KALRN: variants seen among roughly 807,000 people sequenced by gnomAD.
The protein encoded by KALRN is kalirin.
A neutral mutation model predicts 353.7 loss-of-function variants in KALRN; 70 were observed. The ratio of observed to expected loss-of-function variants is 0.20; its 90% confidence interval spans 0.16 to 0.24. KALRN has a LOEUF of 0.24. Ranked by LOEUF, KALRN falls within the 10% of genes least tolerant of loss-of-function variation. KALRN has a pLI of 1.00. For missense variants in KALRN, 2,791 were observed against 3,756.7 expected (o/e 0.74, Z 6.72); for synonymous variants, 1,391 against 1,434.8 (o/e 0.97, Z 0.69).
intron 43 of KALRN, 83 bp from the exon 44 acceptor site, chr3:124,660,840 G>C: frequency 1.0e-6 from 1 of 955,612 alleles, no homozygotes; most frequent in African/African-American, 1.6e-5. Flanking sequence ...GGGTGTTATT[G>C]TATTTTTATG....
chr3:124,206,077 T>TA (rs1379044796), intron 1 of KALRN, among the ~76,000 whole-genome samples: 3 of 152,224 alleles, frequency 2.0e-5, no homozygotes, highest in Non-Finnish European at 2.9e-5. Context: ...CTGATATTAA[T>TA]AAGAGAGTGT....
chr3:124,686,667 C>T (rs2061571378), intron 51 of KALRN, among the ~76,000 whole-genome samples: 1 of 151,992 alleles, frequency 6.6e-6, no homozygotes. Context: ...ACAACAAAGG[C>T]ATGGAAGGAC....
chr3:124,122,457 T>C (rs77024573), intron 1 of KALRN, among the ~76,000 whole-genome samples: 395 of 152,358 alleles, frequency 2.6e-3, no homozygotes, highest in African/African-American at 8.8e-3. Flanking sequence ...TTGCATGTTT[T>C]GCAAATTGAA....
At chr3:124,404,105 G>GAACCAAA (rs2091217724) in intron 13 of KALRN, among the ~76,000 whole-genome samples, 1 of 130,176 alleles carries the variant, frequency 7.7e-6, no homozygotes, top group Non-Finnish European at 1.5e-5. Context: ...CTATTGTGTT[G>GAACCAAA]AACCAAAATC....
At chr3:124,440,441 G>T (rs1311027719) in intron 18 of KALRN, among the ~76,000 whole-genome samples, 1 of 151,980 alleles carries the variant, frequency 6.6e-6, no homozygotes, top group Non-Finnish European at 1.5e-5. Flanking sequence ...ATATTCATTA[G>T]TTGATCCACT....
chr3:124,047,233 A>G (rs2040561718), intron 1 of KALRN, among the ~76,000 whole-genome samples: 1 of 152,158 alleles, frequency 6.6e-6, no homozygotes, highest in African/African-American at 2.4e-5. Flanking sequence ...AATGTCTGCC[A>G]TGTGCCTAGT....
chr3:124,624,559 G>A (rs1341350985), intron 34 of KALRN, among the ~76,000 whole-genome samples: 3 of 152,166 alleles, frequency 2.0e-5, no homozygotes, highest in African/African-American at 7.2e-5. Flanking sequence ...GTTGCCCCAA[G>A]GCTTAGGCTA....
At chr3:124,632,199 C>T (rs2080857910) in intron 34 of KALRN, among the ~76,000 whole-genome samples, 1 of 152,220 alleles carries the variant, frequency 6.6e-6, no homozygotes, top group African/African-American at 2.4e-5. Flanking sequence ...TCTGCCCACT[C>T]CTGTATCCAT....
chr3:124,036,547 A>T (rs2039438466), intron 1 of KALRN, among the ~76,000 whole-genome samples: 1 of 151,616 alleles, frequency 6.6e-6, no homozygotes, highest in African/African-American at 2.4e-5. Context: ...GTTGGTGGAG[A>T]TTCTTAAGCT....
At chr3:124,437,575 A>G (rs2093517463) in intron 17 of KALRN, among the ~76,000 whole-genome samples, 1 of 151,034 alleles carries the variant, frequency 6.6e-6, no homozygotes, top group African/African-American at 2.4e-5. Flanking sequence ...CTGTAATCCC[A>G]GCTACTCAGG....
At chr3:124,226,272 T>C (rs916068662) in intron 1 of KALRN, among the ~76,000 whole-genome samples, 2 of 152,198 alleles carry the variant, frequency 1.3e-5, no homozygotes, top group Non-Finnish European at 2.9e-5. Flanking sequence ...CTAATTAGCC[T>C]CTATTAGTGA....
chr3:124,378,554 C>T (rs976078458), intron 10 of KALRN, among the ~76,000 whole-genome samples: 1 of 152,046 alleles, frequency 6.6e-6, no homozygotes, highest in Non-Finnish European at 1.5e-5. Context: ...TCCTGAAGGA[C>T]TTCTTTTAAC....
intron 6 of KALRN, among the ~76,000 whole-genome samples, chr3:124,323,841 C>T (rs2149388524): frequency 6.6e-6 from 1 of 152,356 alleles, no homozygotes; most frequent in Non-Finnish European, 1.5e-5. Flanking sequence ...CTATCAGACA[C>T]TGTCAATGTC....
chr3:124,547,910 T>C (rs2069924603), intron 33 of KALRN, among the ~76,000 whole-genome samples: 1 of 152,152 alleles, frequency 6.6e-6, no homozygotes, highest in South Asian at 2.1e-4. Flanking sequence ...TTTGCTAAAA[T>C]GGGGGCATAG....
chr3:124,634,013 T>G, intron 36 of KALRN, 60 bp downstream of exon 36: 1 of 1,296,304 alleles, frequency 7.7e-7, no homozygotes, highest in Non-Finnish European at 1.1e-6. Context: ...TTTTGTTTTT[T>G]GTGTGTGATG....
chr3:124,548,038 G>T (rs1295096604), intron 33 of KALRN, among the ~76,000 whole-genome samples: 1 of 152,280 alleles, frequency 6.6e-6, no homozygotes, highest in East Asian at 1.9e-4. Flanking sequence ...ACTGCCACAA[G>T]GAACTCTCAG....
intron 33 of KALRN, among the ~76,000 whole-genome samples, chr3:124,502,533 G>A (rs2064715956): frequency 6.6e-6 from 1 of 152,182 alleles, no homozygotes; most frequent in South Asian, 2.1e-4. Flanking sequence ...TTCAAATCAG[G>A]TATGGATTCA....
rs192313597 is a variant in KALRN, at chr3:124,146,397, A to C, written c.74-81593A>C. On this transcript the variant is annotated intron_variant, in intron 1 of 59. Coordinates refer to ENST00000682506, the MANE Select transcript of KALRN (RefSeq NM_001388419.1). The stretch of plus-strand genomic sequence containing the variant: ...TAAAATTGTACTTTGCTGGTAATTC[A>C]TTTTCATTATAGTTTACTAAAGTAC... Among the ~76,000 whole-genome samples, 1,171 of 152,300 alleles carry C rather than the reference A, an allele frequency of 7.7e-3. 10 individuals carry two copies. The highest frequency in any genetic ancestry group is 9.9e-3 in the Non-Finnish European group (674 of 68,024).
At chr3:124,597,880 A>G (rs1416940876) in intron 34 of KALRN, among the ~76,000 whole-genome samples, 1 of 152,224 alleles carries the variant, frequency 6.6e-6, no homozygotes, top group East Asian at 1.9e-4. Context: ...TAGTGAAATG[A>G]TTCCATTCTA....
Sources: gnomAD v4.1 joint callset for allele counts (sites outside exome capture counted in the v4.1 genomes callset) on GRCh38, gnomAD v4.1.1 for gene constraint, MANE v1.5 for transcripts, NCBI Gene and HGNC (gene_info 2026-07-23, HGNC 2026-07-21) for gene names.